The following SYNPR variants were observed in gnomAD, a reference collection of about 807,000 sequenced individuals.
SYNPR encodes the protein synaptoporin.
In SYNPR, 23 loss-of-function variants were observed where a neutral mutation model predicts 32.9. The observed-to-expected ratio is 0.70, with a 90% CI of 0.50 to 0.99. The LOEUF (loss-of-function observed/expected upper bound fraction) is 0.99. Among genes scored for constraint, SYNPR ranks in the 50% least tolerant of loss-of-function variants. SYNPR has a pLI of 0.00. For synonymous variants in SYNPR, 146 were observed against 135.9 expected (o/e 1.07, Z -0.52); for missense variants, 318 against 349.3 (o/e 0.91, Z 0.71).
chr3:63,538,834 G>A (rs1235855243), intron 3 of SYNPR, among the ~76,000 whole-genome samples: 1 of 152,004 alleles, frequency 6.6e-6, no homozygotes. Flanking sequence ...GCATTATCAT[G>A]GCAATAGCTA....
intron 3 of SYNPR, among the ~76,000 whole-genome samples, chr3:63,268,731 C>T (rs1301887031): frequency 6.6e-6 from 1 of 152,074 alleles, no homozygotes; most frequent in Non-Finnish European, 1.5e-5. Context: ...AGAAAATCCA[C>T]ATGTACAATA....
At chr3:63,543,315 A>C (rs183845549) in intron 3 of SYNPR, among the ~76,000 whole-genome samples, 113 of 152,270 alleles carry the variant, frequency 7.4e-4, no homozygotes, top group Non-Finnish European at 2.1e-4. Context: ...AAGAATTTCT[A>C]GGAAGCCAAA....
chr3:63,406,939 C>T (rs1291413849), intron 2 of SYNPR, among the ~76,000 whole-genome samples: 1 of 152,178 alleles, frequency 6.6e-6, no homozygotes, highest in Admixed American at 6.5e-5. Context: ...TCCATGTTGA[C>T]TATCGAGAAT....
At chr3:63,585,455 C>CCA (rs10687893) in intron 4 of SYNPR, among the ~76,000 whole-genome samples, 4 of 138,148 alleles carry the variant, frequency 2.9e-5, no homozygotes, top group South Asian at 2.2e-4. Context: ...CCATGCCCCC[C>CCA]CCCTCCGCCC....
intron 3 of SYNPR, among the ~76,000 whole-genome samples, chr3:63,519,323 C>T (rs1299057354): frequency 6.6e-6 from 1 of 152,174 alleles, no homozygotes; most frequent in Non-Finnish European, 1.5e-5. Context: ...TTCATCCTTT[C>T]TTAATCTCAT....
chr3:63,279,042 T>C (rs1027101298), intron 2 of SYNPR, among the ~76,000 whole-genome samples: 6 of 151,986 alleles, frequency 3.9e-5, no homozygotes, highest in East Asian at 1.9e-4. Context: ...CCTTGGGAGA[T>C]AGGGGAGGGG....
intron 2 of SYNPR, among the ~76,000 whole-genome samples, chr3:63,306,563 T>C (rs1299808353): frequency 6.6e-6 from 1 of 151,930 alleles, no homozygotes; most frequent in Non-Finnish European, 1.5e-5. Flanking sequence ...TAAAATTAGT[T>C]TGTAGATGGT....
intron 1 of SYNPR, among the ~76,000 whole-genome samples, chr3:63,246,777 G>A (rs185563244): frequency 6.6e-6 from 1 of 152,156 alleles, no homozygotes; most frequent in African/African-American, 2.4e-5. Flanking sequence ...CACAGTAGTT[G>A]AGAACTTGCT....
chr3:63,502,103 A>G (rs1156485332), intron 3 of SYNPR, among the ~76,000 whole-genome samples: 2 of 152,176 alleles, frequency 1.3e-5, no homozygotes, highest in Non-Finnish European at 2.9e-5. Context: ...TGTTATCAAA[A>G]TTTATTTCAC....
At chr3:63,576,075 C>G (rs1009460621) in intron 4 of SYNPR, among the ~76,000 whole-genome samples, 1 of 152,136 alleles carries the variant, frequency 6.6e-6, no homozygotes, top group Non-Finnish European at 1.5e-5. Context: ...TCTGACACTA[C>G]AGCTACAAAG....
intron 3 of SYNPR, among the ~76,000 whole-genome samples, chr3:63,548,350 A>G (rs761899845): frequency 3.3e-5 from 5 of 151,904 alleles, no homozygotes; most frequent in Non-Finnish European, 5.9e-5. Flanking sequence ...CTGAGCTCCA[A>G]CTTCCCTATC....
Position 63,393,491 on chromosome 3 carries a change from C to CTTTTTTT in SYNPR, c.85-87339_85-87338insTTTTTTT, listed in dbSNP as rs1482584312. On this transcript the variant is annotated intron_variant, in intron 2 of 5. Coordinates refer to ENST00000478300, the MANE Select transcript of SYNPR (RefSeq NM_001130003.2). ...CCTTTCCTTCCTTCCTTCTTTCTTTCTTCTCTTTTTTTTTTTTTTTTTTTT... is the reference window on the plus strand; with the variant it reads ...CCTTTCCTTCCTTCCTTCTTTCTTTCTTTTTTTTTCTCTTTTTTTTTTTTTTTTTTTT... Among the ~76,000 whole-genome samples the CTTTTTTT allele has an allele frequency of 1.4e-3, 161 of 116,488 alleles. 2 individuals carry two copies. The highest frequency in any genetic ancestry group is 4.7e-3 in the African/African-American group (124 of 26,392). The allele number at this position is 116,488 out of a possible 152,430, so 76.4% of individuals were successfully genotyped here.
intron 2 of SYNPR, among the ~76,000 whole-genome samples, chr3:63,314,006 C>CAT (rs747524173): frequency 8.0e-4 from 1 of 1,254 alleles, no homozygotes; most frequent in African/African-American, 1.8e-3. Context: ...TATATATATC[C>CAT]ATATATATAT....
chr3:63,510,034 G>C (rs1701667318), intron 3 of SYNPR, among the ~76,000 whole-genome samples: 1 of 151,672 alleles, frequency 6.6e-6, no homozygotes, highest in Admixed American at 6.6e-5. Context: ...AGCCATTATA[G>C]ACACAGCGGT....
intron 4 of SYNPR, among the ~76,000 whole-genome samples, chr3:63,566,595 T>G (rs1157587045): frequency 6.6e-6 from 1 of 152,120 alleles, no homozygotes; most frequent in African/African-American, 2.4e-5. Context: ...GCAAAATCTG[T>G]GATGGGGAGA....
intron 4 of SYNPR, among the ~76,000 whole-genome samples, chr3:63,585,453 C>CG (rs972796319): frequency 4.6e-5 from 5 of 108,294 alleles, no homozygotes; most frequent in South Asian, 3.2e-4. Context: ...ATCCATGCCC[C>CG]CCCCCTCCGC....
chr3:63,489,718 T>C (rs6798336), intron 3 of SYNPR, among the ~76,000 whole-genome samples: 65,702 of 152,000 alleles, frequency 0.43, 14,247 homozygotes, highest in East Asian at 0.5. Flanking sequence ...TAAATACATA[T>C]ATATGCATAT....
At chr3:63,486,782 T>C (rs1216251619) in intron 3 of SYNPR, among the ~76,000 whole-genome samples, 1 of 152,182 alleles carries the variant, frequency 6.6e-6, no homozygotes, top group Non-Finnish European at 1.5e-5. Flanking sequence ...TGGAAATCAG[T>C]TACTTCAGTT....
intron 2 of SYNPR, among the ~76,000 whole-genome samples, chr3:63,361,085 T>C (rs1175613460): frequency 2.6e-5 from 4 of 152,210 alleles, no homozygotes; most frequent in Non-Finnish European, 5.9e-5. Flanking sequence ...CAACTATCTT[T>C]TACATTTCAT....
Sources: gnomAD v4.1 joint callset for allele counts (sites outside exome capture counted in the v4.1 genomes callset) on GRCh38, gnomAD v4.1.1 for gene constraint, MANE v1.5 for transcripts, NCBI Gene and HGNC (gene_info 2026-07-23, HGNC 2026-07-21) for gene names.